TBC1D8: variants seen among roughly 807,000 people sequenced by gnomAD.
TBC1D8 encodes the protein BUB2-like protein 1.
TBC1D8 carries 65 observed loss-of-function variants against 118.8 expected under a neutral mutation model. The ratio of observed to expected loss-of-function variants is 0.55; its 90% CI spans 0.45 to 0.67. The LOEUF (loss-of-function observed/expected upper bound fraction) is 0.67. Ranked by LOEUF, TBC1D8 falls within the 30% of genes least tolerant of loss-of-function variation. TBC1D8 has a pLI of 0.00. For missense variants in TBC1D8, 1,376 were observed against 1,471.2 expected (o/e 0.94, Z 1.06); for synonymous variants, 566 against 595.8 (o/e 0.95, Z 0.73).
chr2:101,145,692 T>C (rs573431894), intron 1 of TBC1D8, among the ~76,000 whole-genome samples: 3 of 152,302 alleles, frequency 2.0e-5, no homozygotes, highest in East Asian at 3.9e-4. Context: ...CCAAAGGCAG[T>C]AGGTGATTCA....
intron 19 of TBC1D8, among the ~76,000 whole-genome samples, chr2:101,008,949 G>A (rs1471489754): frequency 6.6e-6 from 1 of 152,242 alleles, no homozygotes; most frequent in African/African-American, 2.4e-5. Flanking sequence ...GGAAGGCCAT[G>A]CAGGACCTAA....
At chr2:101,124,247 T>A (rs1678256090) in intron 1 of TBC1D8, among the ~76,000 whole-genome samples, 1 of 152,156 alleles carries the variant, frequency 6.6e-6, no homozygotes, top group Non-Finnish European at 1.5e-5. Context: ...AGAAAAAGAA[T>A]TCAAACCTTC....
chr2:101,059,263 C>T (rs1331752690), intron 3 of TBC1D8, among the ~76,000 whole-genome samples, 158 bp downstream of exon 3: 1 of 144,866 alleles, frequency 6.9e-6, no homozygotes, highest in Admixed American at 7.2e-5. Flanking sequence ...AGACTGACTA[C>T]AAAGTTAAGA....
chr2:101,028,206 G>A, intron 13 of TBC1D8, 60 bp from the exon 14 acceptor site: 1 of 1,605,476 alleles, frequency 6.2e-7, no homozygotes, highest in Non-Finnish European at 8.5e-7. Context: ...GTGGAAACAG[G>A]AAGTGGCCCA....
intron 11 of TBC1D8, 130 bp from the exon 12 acceptor site, chr2:101,029,906 T>C: frequency 1.1e-6 from 1 of 900,294 alleles, no homozygotes; most frequent in Non-Finnish European, 1.6e-6. Flanking sequence ...CGTCCATGCT[T>C]AGTTCATTGA....
intron 1 of TBC1D8, among the ~76,000 whole-genome samples, chr2:101,092,369 T>C (rs1267539297): frequency 6.6e-6 from 1 of 152,202 alleles, no homozygotes; most frequent in Non-Finnish European, 1.5e-5. Context: ...GTCCCATTCT[T>C]GGTAACGTTC....
intron 19 of TBC1D8, 79 bp from the exon 20 acceptor site, chr2:101,008,352 T>G: frequency 1.7e-6 from 2 of 1,165,788 alleles, no homozygotes; most frequent in East Asian, 2.6e-5. Context: ...ACCTGTGAGC[T>G]TTGAGAAAAC....
Position 101,050,480 on chromosome 2 carries a change from C to A in TBC1D8, c.793G>T (p.Val265Leu). Residue 265 changes from valine to leucine, a missense_variant, in exon 5 of 20, where the codon GTG becomes TTG. Coordinates refer to ENST00000409318, the MANE Select transcript of TBC1D8 (RefSeq NM_001330348.2). ...TTATCCAGCAGCCTTCGCAGCGTCA[C>A]GTCGGCCAGCTGCTCCATGACCTTA... ...VFKVMEQLAD[V>L]TLRRLLDNEV... 6.2e-7 allele frequency: 1 copy of A among 1,613,922 alleles called. No individual in the cohort carries two copies. The highest frequency in any genetic ancestry group is 1.3e-5 in the African/African-American group (1 of 75,048).
intron 2 of TBC1D8, among the ~76,000 whole-genome samples, chr2:101,087,320 TCCAG>T (rs999154306): frequency 1.3e-5 from 2 of 149,794 alleles, no homozygotes; most frequent in African/African-American, 4.9e-5. Context: ...AAAACAGGAG[TCCAG>T]CCAAATAAGA....
intron 4 of TBC1D8, among the ~76,000 whole-genome samples, chr2:101,053,433 T>C (rs948019111): frequency 6.6e-6 from 1 of 152,192 alleles, no homozygotes; most frequent in Non-Finnish European, 1.5e-5. Context: ...ACTTGAAATA[T>C]AAATGAAGAA....
At chr2:101,137,144 T>C (rs941671139) in intron 1 of TBC1D8, among the ~76,000 whole-genome samples, 1 of 151,540 alleles carries the variant, frequency 6.6e-6, no homozygotes, top group Non-Finnish European at 1.5e-5. Context: ...GTGATTCTAC[T>C]GCCTCAGCCT....
chr2:101,085,924 G>A (rs986510871), intron 2 of TBC1D8, among the ~76,000 whole-genome samples: 4 of 152,114 alleles, frequency 2.6e-5, no homozygotes, highest in African/African-American at 4.8e-5. Context: ...GGTGGATCAC[G>A]AGGTCAGGAG....
chr2:101,040,146 G>A (rs751140106), intron 6 of TBC1D8, 32 bp downstream of exon 6: 18 of 1,603,400 alleles, frequency 1.1e-5, no homozygotes, highest in East Asian at 4.5e-5. Flanking sequence ...ACAAAAGGCT[G>A]CTTCGGGAAG....
chr2:101,148,221 G>A (rs909776294), intron 1 of TBC1D8, among the ~76,000 whole-genome samples: 10 of 152,210 alleles, frequency 6.6e-5, no homozygotes, highest in Admixed American at 4.6e-4. Context: ...CAGGTAAACA[G>A]GAAGCTGAGA....
chr2:101,036,010 G>A lies in TBC1D8; in HGVS notation c.1603+8C>T. 6.2e-7 allele frequency: 1 copy of A among 1,613,804 alleles called. No individual in the cohort carries two copies. ...AACAATTAGCTTCGAGACACCAAGA[G>A]CGCTTACCTGAGAAGAGAAGCCAGA... On this transcript the variant is annotated splice_region_variant and intron_variant, in intron 9 of 19. Transcript: ENST00000409318.
chr2:101,104,391 T>C (rs775917181), intron 1 of TBC1D8, among the ~76,000 whole-genome samples: 8 of 152,202 alleles, frequency 5.3e-5, no homozygotes, highest in Non-Finnish European at 1.2e-4. Context: ...TGTCAAGATA[T>C]AGAGAAGCCA....
rs1558962204 is a variant in TBC1D8, at chr2:101,008,174, G to GCACCA, written c.3114_3115insTGGTG (p.Leu1039TrpfsTer68). On this transcript the variant is annotated frameshift_variant, in exon 20 of 20. Transcript: ENST00000409318. LOFTEE classifies it low-confidence loss of function (END_TRUNC). ...TGCCCCACCTCCCCGATCTGCAGCA[G>GCACCA]CAGTGTGGTGACTGTGGCGATGGCT... 6.2e-7 allele frequency: 1 copy of GCACCA among 1,613,762 alleles called. No homozygotes were observed.
chr2:101,102,506 C>T (rs1574037424), intron 1 of TBC1D8, among the ~76,000 whole-genome samples: 2 of 148,472 alleles, frequency 1.3e-5, no homozygotes, highest in East Asian at 4.0e-4. Context: ...AGTACACCAA[C>T]TAAATGAGAT....
intron 2 of TBC1D8, among the ~76,000 whole-genome samples, chr2:101,070,682 G>A (rs1171197499): frequency 1.3e-5 from 2 of 152,074 alleles, no homozygotes; most frequent in Non-Finnish European, 2.9e-5. Flanking sequence ...CAAAGTGCTG[G>A]GATTACAGGC....
Sources: allele counts gnomAD v4.1 joint callset (sites outside exome capture counted in the v4.1 genomes callset), GRCh38; gene constraint gnomAD v4.1.1; transcripts MANE v1.5; gene names NCBI Gene and HGNC (gene_info 2026-07-23, HGNC 2026-07-21).